The following WDPCP variants were observed in gnomAD, a reference collection of about 807,000 sequenced individuals.
WDPCP encodes WD repeat containing planar cell polarity effector, also known as WD repeat-containing and planar cell polarity effector protein fritz homolog.
In WDPCP, 71 loss-of-function variants were observed where a neutral mutation model predicts 93.1. The ratio of observed to expected loss-of-function variants is 0.76; its 90% CI spans 0.63 to 0.93. WDPCP has a LOEUF of 0.93. WDPCP is among the 40% of genes least tolerant of loss of function. The pLI, the probability that WDPCP is intolerant of heterozygous loss-of-function variation, is 0.00. For missense variants in WDPCP, 844 were observed against 887.4 expected (o/e 0.95, Z 0.62); for synonymous variants, 315 against 315.0 (o/e 1.00, Z 0.00).
chr2:63,509,855 C>T (rs189435777), intron 1 of WDPCP, among the ~76,000 whole-genome samples: 5 of 152,266 alleles, frequency 3.3e-5, no homozygotes, highest in African/African-American at 1.2e-4. Flanking sequence ...TTCCTAGACA[C>T]ATATACCCTC....
At chr2:63,770,069 T>C (rs1169161213) in intron 2 of WDPCP, among the ~76,000 whole-genome samples, 1 of 151,894 alleles carries the variant, frequency 6.6e-6, no homozygotes, top group African/African-American at 2.4e-5. Context: ...TACAGTGGAA[T>C]TAAGCTAGAA....
chr2:63,422,063 C>T (rs183689092), intron 9 of WDPCP, among the ~76,000 whole-genome samples: 7 of 152,096 alleles, frequency 4.6e-5, no homozygotes, highest in Non-Finnish European at 8.8e-5. Flanking sequence ...AACCTAGAAA[C>T]AATAATCAAC....
At chr2:63,299,640 G>A (rs772089444) in intron 13 of WDPCP, among the ~76,000 whole-genome samples, 1 of 152,120 alleles carries the variant, frequency 6.6e-6, no homozygotes, top group Non-Finnish European at 1.5e-5. Flanking sequence ...TGTGAGGTAC[G>A]GGGTGCATAC....
rs75273157 is a variant in WDPCP, at chr2:63,303,115, G to A, written c.1812+10133C>T. Among the ~76,000 whole-genome samples, 580 of 152,278 alleles carry A rather than the reference G, an allele frequency of 3.8e-3. 6 individuals are homozygous for A. Among genetic ancestry groups the A allele is most frequent in the African/African-American group, 0.013 (539 of 41,544 alleles). ...TGTGTTTCCTACAGGCCCCACCCAA[G>A]CCCCTCAGAGTAACTGGCTACCTCC... On this transcript the variant is annotated intron_variant, in intron 13 of 17. Coordinates refer to ENST00000272321, the MANE Select transcript of WDPCP (RefSeq NM_015910.7).
chr2:63,388,503 C>T (rs1406048743), intron 10 of WDPCP, among the ~76,000 whole-genome samples: 2 of 152,176 alleles, frequency 1.3e-5, no homozygotes, highest in East Asian at 3.8e-4. Context: ...TCCAAAGGAT[C>T]GCAGCTCCTC....
chr2:63,470,636 T>G (rs963908515), intron 6 of WDPCP, among the ~76,000 whole-genome samples: 1 of 152,182 alleles, frequency 6.6e-6, no homozygotes, highest in African/African-American at 2.4e-5. Context: ...CTTCAATCTA[T>G]TCCCATCAAT....
At position 63,666,395 on chromosome 2, in the gene WDPCP, C is replaced by T. The variant is rs192487693; in HGVS notation, n.309-15557G>A. On this transcript the variant is annotated intron_variant and non_coding_transcript_variant, in intron 2 of 4. Coordinates refer to the WDPCP transcript ENST00000467687. ...CATTTCACTTTGCTAGGGTCAGTTG[C>T]TGTATTTCAGAAACAGAGAAGCTCT... 2.0e-5 allele frequency among the ~76,000 whole-genome samples: 3 copies of T among 152,306 alleles called. No homozygotes were observed. In the East Asian group the frequency reaches 5.8e-4, roughly 29 times the overall value.
chr2:63,321,551 C>A (rs1360114507), intron 12 of WDPCP, among the ~76,000 whole-genome samples: 1 of 151,988 alleles, frequency 6.6e-6, no homozygotes, highest in African/African-American at 2.4e-5. Flanking sequence ...TTGTCTGTTT[C>A]TTCTTATATC....
chr2:63,706,910 C>T (rs1240549813), intron 2 of WDPCP, among the ~76,000 whole-genome samples: 6 of 152,182 alleles, frequency 3.9e-5, no homozygotes, highest in African/African-American at 7.2e-5. Flanking sequence ...GCCACCGTGC[C>T]CGGCCTTGAA....
At chr2:63,289,657 G>A (rs188732511) in intron 13 of WDPCP, among the ~76,000 whole-genome samples, 5 of 151,998 alleles carry the variant, frequency 3.3e-5, no homozygotes, top group Admixed American at 3.3e-4. Flanking sequence ...GTTGGATATA[G>A]GTTCAAAAAA....
At chr2:63,252,709 C>T (rs563600876) in intron 14 of WDPCP, among the ~76,000 whole-genome samples, 1 of 152,132 alleles carries the variant, frequency 6.6e-6, no homozygotes, top group South Asian at 2.1e-4. Flanking sequence ...CATAGGAATA[C>T]ACCTAACCAA....
intron 1 of WDPCP, among the ~76,000 whole-genome samples, chr2:63,572,701 C>CAAAAAAAAAAAAT (rs1707612206): frequency 4.0e-5 from 1 of 24,780 alleles, no homozygotes; most frequent in Non-Finnish European, 6.1e-5. Context: ...GACTCTGTCT[C>CAAAAAAAAAAAAT]AAAAAAAAAA....
At chr2:63,226,247 C>T (rs534355592) in intron 14 of WDPCP, among the ~76,000 whole-genome samples, 154 of 151,914 alleles carry the variant, frequency 1.0e-3, no homozygotes, top group African/African-American at 3.5e-3. Context: ...AACTAAATAG[C>T]TGTGTCTGCT....
intron 12 of WDPCP, among the ~76,000 whole-genome samples, chr2:63,343,312 T>C (rs1688976984): frequency 6.6e-6 from 1 of 151,972 alleles, no homozygotes; most frequent in Non-Finnish European, 1.5e-5. Flanking sequence ...CTTTAAACAG[T>C]TTGCATATGT....
At chr2:63,777,658 A>C (rs536681881) in intron 2 of WDPCP, among the ~76,000 whole-genome samples, 27 of 152,348 alleles carry the variant, frequency 1.8e-4, no homozygotes, top group African/African-American at 6.5e-4. Flanking sequence ...AAGAAGCCAG[A>C]CAAAAAAAGA....
chr2:63,140,623 T>C lies in WDPCP; in HGVS notation c.2190+12291A>G, dbSNP rs139290115. Among the ~76,000 whole-genome samples, 399 of 152,126 alleles carry C rather than the reference T, an allele frequency of 2.6e-3. 3 individuals carry two copies. Among genetic ancestry groups the C allele is most frequent in the Middle Eastern group, 0.02 (6 of 294 alleles). ...GATCTGATTCTCCACTTGGTTGCTG[T>C]TGTTGTATAGAAGAGCTACTGATTT... is the stretch of plus-strand genomic sequence containing the variant. On this transcript the variant is annotated intron_variant, in intron 17 of 17. Coordinates refer to ENST00000272321, the MANE Select transcript of WDPCP (RefSeq NM_015910.7).
At chr2:63,611,669 A>G (rs181213947) in intron 3 of WDPCP, among the ~76,000 whole-genome samples, 9 of 152,340 alleles carry the variant, frequency 5.9e-5, no homozygotes, top group Admixed American at 5.9e-4. Context: ...AACAAGAAAC[A>G]TATCTGTTTT....
chr2:63,471,020 G>T (rs541154791), intron 6 of WDPCP, among the ~76,000 whole-genome samples: 30 of 152,226 alleles, frequency 2.0e-4, no homozygotes, highest in African/African-American at 7.2e-4. Flanking sequence ...CACCAAATAT[G>T]AGGCCCAGCC....
At chr2:63,522,677 T>G (rs775272606) in intron 1 of WDPCP, among the ~76,000 whole-genome samples, 4 of 152,136 alleles carry the variant, frequency 2.6e-5, no homozygotes, top group African/African-American at 7.2e-5. Flanking sequence ...GAGACTATTA[T>G]GAACACCTCT....
Sources: gnomAD v4.1 joint callset for allele counts (sites outside exome capture counted in the v4.1 genomes callset) on GRCh38, gnomAD v4.1.1 for gene constraint, MANE v1.5 for transcripts, NCBI Gene and HGNC (gene_info 2026-07-23, HGNC 2026-07-21) for gene names.